Variants in VPS13D observed in about 807,000 individuals in gnomAD.
VPS13D encodes the protein intermembrane lipid transfer protein VPS13D.
In VPS13D, 187 loss-of-function variants were observed where a neutral mutation model predicts 461.9. The observed-to-expected ratio is 0.40, with a 90% CI of 0.36 to 0.46. The LOEUF (loss-of-function observed/expected upper bound fraction) is 0.46. Among genes scored for constraint, VPS13D ranks in the 20% least tolerant of loss-of-function variants. The pLI is 0.60. For missense variants in VPS13D, 4,711 were observed against 5,364.9 expected (o/e 0.88, Z 3.81); for synonymous variants, 1,951 against 1,986.3 (o/e 0.98, Z 0.47).
intron 64 of VPS13D, among the ~76,000 whole-genome samples, chr1:12,415,904 C>T (rs1644787760): frequency 6.6e-6 from 1 of 151,940 alleles, no homozygotes; most frequent in Admixed American, 6.6e-5. Flanking sequence ...AGGGGCCAGT[C>T]ATGGTGGCTC....
intron 17 of VPS13D, among the ~76,000 whole-genome samples, chr1:12,271,440 G>C (rs1225890505): frequency 6.6e-6 from 1 of 152,050 alleles, no homozygotes; most frequent in Non-Finnish European, 1.5e-5. Context: ...AGGCTGAGGT[G>C]GGCAGATCAC....
intron 5 of VPS13D, among the ~76,000 whole-genome samples, chr1:12,247,949 G>A (rs915651833): frequency 4.7e-5 from 7 of 150,344 alleles, no homozygotes; most frequent in Admixed American, 2.0e-4. Context: ...GTGCAGTGGC[G>A]TGATCCCGGC....
At chr1:12,236,465 T>C (rs1027005782) in intron 2 of VPS13D, among the ~76,000 whole-genome samples, 10 of 152,100 alleles carry the variant, frequency 6.6e-5, no homozygotes, top group South Asian at 2.1e-4. Flanking sequence ...AATGCCACCT[T>C]GACCTTCTGT....
intron 26 of VPS13D, among the ~76,000 whole-genome samples, chr1:12,305,579 C>G (rs74053860): frequency 1.3e-5 from 2 of 152,138 alleles, no homozygotes. Context: ...CATGAGCCCC[C>G]GGGCCTGGCC....
At position 12,275,908 on chromosome 1, in the gene VPS13D, A is replaced by G; in HGVS notation, c.2320A>G (p.Thr774Ala). The G allele has an allele frequency of 6.2e-7, 1 of 1,613,920 alleles. No homozygotes were observed. Among genetic ancestry groups the G allele is most frequent in the Non-Finnish European group, 8.5e-7 (1 of 1,180,000 alleles). ...SDDEYKTPLA[T>A]PPNTPPPESS... ...TGATGAATATAAGACCCCCCTGGCCACACCTCCTAACACCCCACCTCCCGA... is the reference window on the plus strand; with the variant it reads ...TGATGAATATAAGACCCCCCTGGCCGCACCTCCTAACACCCCACCTCCCGA... The change falls in exon 19 of 70, where the codon ACA becomes GCA. Residue 774 changes from threonine (T) to alanine (A), a missense_variant. Physicochemically the swap from Thr to Ala is moderately conservative, Grantham distance 58. This residue lies in a region of VPS13D where 4,411 missense variants were observed against 4,937.8 expected (regional missense o/e 0.89). Transcript: ENST00000620676.
chr1:12,468,797 C>T (rs1645525913), intron 67 of VPS13D, among the ~76,000 whole-genome samples: 2 of 152,190 alleles, frequency 1.3e-5, no homozygotes, highest in African/African-American at 4.8e-5. Flanking sequence ...CTTTGGGAGG[C>T]TGGGGCGGGT....
At chr1:12,271,152 G>A in intron 17 of VPS13D, 28 bp downstream of exon 17, 1 of 1,613,146 alleles carries the variant, frequency 6.2e-7, no homozygotes, top group South Asian at 1.1e-5. Flanking sequence ...AACACTCTTT[G>A]GGGATTGGGG....
intron 67 of VPS13D, among the ~76,000 whole-genome samples, chr1:12,479,651 CAG>C (rs928500997): frequency 1.6e-4 from 24 of 152,320 alleles, no homozygotes; most frequent in African/African-American, 5.5e-4. Context: ...CAACTGAACA[CAG>C]AGTACATGCT....
intron 60 of VPS13D, among the ~76,000 whole-genome samples, chr1:12,388,574 AG>A (rs1429365775): frequency 2.0e-5 from 3 of 147,738 alleles, no homozygotes; most frequent in Non-Finnish European, 4.5e-5. Flanking sequence ...CTCTTGTCTC[AG>A]GGGGAAAAAA....
chr1:12,424,606 A>G (rs556210917), intron 65 of VPS13D, among the ~76,000 whole-genome samples: 23 of 152,312 alleles, frequency 1.5e-4, no homozygotes, highest in Admixed American at 2.6e-4. Context: ...CCAGGTGAGC[A>G]GGGTTTAGCT....
intron 25 of VPS13D, among the ~76,000 whole-genome samples, chr1:12,302,069 C>T (rs984438257): frequency 6.6e-6 from 1 of 152,202 alleles, no homozygotes; most frequent in Non-Finnish European, 1.5e-5. Flanking sequence ...CAAGCCTGTA[C>T]AGCACAGTAC....
chr1:12,271,212 T>G, intron 17 of VPS13D, 88 bp downstream of exon 17: 1 of 1,519,064 alleles, frequency 6.6e-7, no homozygotes, highest in Non-Finnish European at 9.0e-7. Context: ...TAGATAGGCT[T>G]ACTTATATCA....
chr1:12,441,844 T>C (rs1173370440), intron 65 of VPS13D, among the ~76,000 whole-genome samples: 3 of 152,254 alleles, frequency 2.0e-5, no homozygotes, highest in Non-Finnish European at 4.4e-5. Flanking sequence ...AATTCATTAC[T>C]TGATCAGAGA....
At chr1:12,280,103 T>C (rs1641733262) in intron 20 of VPS13D, among the ~76,000 whole-genome samples, 1 of 152,238 alleles carries the variant, frequency 6.6e-6, no homozygotes, top group Admixed American at 6.5e-5. Context: ...GGATTTCTTT[T>C]TTTATGGGCA....
intron 5 of VPS13D, among the ~76,000 whole-genome samples, chr1:12,244,882 C>T (rs983076357): frequency 2.0e-5 from 3 of 152,168 alleles, no homozygotes; most frequent in East Asian, 1.9e-4. Context: ...TCACTTCCCG[C>T]ACTTTCTTTT....
intron 46 of VPS13D, 30 bp downstream of exon 46, chr1:12,349,404 C>G: frequency 6.3e-7 from 1 of 1,589,630 alleles, no homozygotes; most frequent in Non-Finnish European, 8.6e-7. Context: ...TGACATGTCA[C>G]TTTTGCCTTT....
rs1557487985 is a variant in VPS13D at position 12,510,556 on chromosome 1, C to CGT, written c.*1533_*1534insTG. ...GTGTGTGTGTGTGTGTGTGTGTGTG[C>CGT]GCGCGCGCGCGTGCATGCAGAGAGG... is the stretch of plus-strand genomic sequence containing the variant. On this transcript the variant is annotated 3_prime_UTR_variant, in exon 70 of 70. Coordinates refer to ENST00000620676, the MANE Select transcript of VPS13D (RefSeq NM_015378.4). 2.2e-5 allele frequency: 3 copies of CGT among 133,354 alleles called. No individual in the cohort carries two copies. Among genetic ancestry groups the CGT allele is most frequent in the African/African-American group, 8.8e-5 (3 of 34,250 alleles). 8.3% of individuals were successfully genotyped at this position (133,354 alleles called of 1,614,324 possible).
chr1:12,298,346 A>T (rs1027310817), intron 24 of VPS13D, among the ~76,000 whole-genome samples: 1 of 152,136 alleles, frequency 6.6e-6, no homozygotes, highest in Non-Finnish European at 1.5e-5. Context: ...TGTTCTTATA[A>T]AGAGGATATG....
intron 16 of VPS13D, among the ~76,000 whole-genome samples, chr1:12,269,620 A>C (rs1459586840): frequency 6.6e-6 from 1 of 152,214 alleles, no homozygotes; most frequent in Non-Finnish European, 1.5e-5. Context: ...CAAAGTTGTA[A>C]ATGTAATCAC....
Sources: allele counts gnomAD v4.1 joint callset (sites outside exome capture counted in the v4.1 genomes callset), GRCh38; gene constraint gnomAD v4.1.1; regional missense constraint gnomAD v4.1.1; transcripts MANE v1.5; gene names NCBI Gene and HGNC (gene_info 2026-07-23, HGNC 2026-07-21).